The following CAPS2 variants were observed in gnomAD, a reference collection of about 807,000 sequenced individuals.
CAPS2 encodes the protein calcyphosin-2.
A neutral mutation model predicts 86.5 loss-of-function variants in CAPS2; 98 were observed. The observed-to-expected ratio is 1.13, with a 90% confidence interval of 0.96 to 1.34. CAPS2 has a LOEUF of 1.34. CAPS2 is among the 40% of genes most tolerant of loss of function. The probability of loss-of-function intolerance (pLI) is 0.00; values close to 1 mark genes in which losing one functional copy is unlikely to be tolerated. For missense variants in CAPS2, 729 were observed against 686.8 expected, an observed-to-expected ratio of 1.06 and a Z score of -0.69; for synonymous variants, 210 against 225.1, an observed-to-expected ratio of 0.93 and a Z score of 0.60.
intron 8 of CAPS2, among the ~76,000 whole-genome samples, chr12:75,301,299 G>C (rs1464177649): frequency 1.3e-5 from 2 of 152,150 alleles, no homozygotes; most frequent in African/African-American, 4.8e-5. Context: ...ATAAAATCTA[G>C]GTATCTACAA....
At chr12:75,299,717 T>G in intron 9 of CAPS2, 120 bp downstream of exon 9, 1 of 461,428 alleles carries the variant, frequency 2.2e-6, no homozygotes, top group South Asian at 4.7e-5. Flanking sequence ...TTGTTCTAAA[T>G]TCACGTATTT....
At chr12:75,293,521 G>A (rs1288905730) in intron 11 of CAPS2, among the ~76,000 whole-genome samples, 154 bp from the exon 12 acceptor site, 1 of 152,136 alleles carries the variant, frequency 6.6e-6, no homozygotes, top group Non-Finnish European at 1.5e-5. Context: ...TGTATTTGGA[G>A]AAACTATATA....
chr12:75,369,092 A>G (rs1170972300), intron 1 of CAPS2, among the ~76,000 whole-genome samples: 5 of 151,980 alleles, frequency 3.3e-5, no homozygotes, highest in East Asian at 1.9e-4. Context: ...GCAATATAGC[A>G]TAACAGTTAT....
intron 1 of CAPS2, among the ~76,000 whole-genome samples, chr12:75,343,522 C>T (rs2042253738): frequency 6.6e-6 from 1 of 151,930 alleles, no homozygotes; most frequent in Non-Finnish European, 1.5e-5. Flanking sequence ...ATAAGTATTT[C>T]TGAAGTAGAA....
intron 1 of CAPS2, among the ~76,000 whole-genome samples, chr12:75,361,190 T>C (rs371702945): frequency 3.4e-4 from 51 of 152,088 alleles, no homozygotes; most frequent in African/African-American, 1.1e-3. Flanking sequence ...GATTGGTCTG[T>C]TGGTATGCCA....
intron 1 of CAPS2, among the ~76,000 whole-genome samples, chr12:75,372,868 T>A (rs2044449453): frequency 6.6e-6 from 1 of 152,168 alleles, no homozygotes; most frequent in South Asian, 2.1e-4. Flanking sequence ...TTAGAGGCAA[T>A]GTTGTGTAAA....
At chr12:75,307,600 G>C (rs189365986) in intron 7 of CAPS2, among the ~76,000 whole-genome samples, 1 of 152,168 alleles carries the variant, frequency 6.6e-6, no homozygotes, top group Admixed American at 6.5e-5. Context: ...TTAAGGTTAT[G>C]GATATTCCAA....
chr12:75,307,255 A>T (rs949592915), intron 7 of CAPS2, among the ~76,000 whole-genome samples: 1 of 152,238 alleles, frequency 6.6e-6, no homozygotes, highest in Non-Finnish European at 1.5e-5. Context: ...TAACATATAC[A>T]TATTGTTTAG....
At chr12:75,326,633 A>G (rs1049567281), upstream of CAPS2, 10 of 637,458 alleles carry the variant, frequency 1.6e-5, no homozygotes, top group Admixed American at 7.5e-5. Flanking sequence ...CATAAGGTTA[A>G]TCACTTCTAG....
intron 1 of CAPS2, chr12:75,369,840 G>C (rs1429774980): frequency 7.0e-5 from 93 of 1,329,128 alleles, no homozygotes; most frequent in Non-Finnish European, 8.3e-5. Flanking sequence ...TCATTTTCTT[G>C]TTAAAAAGTC....
chr12:75,289,759 T>A, exon 14 of CAPS2: 2 of 1,611,768 alleles, frequency 1.2e-6, no homozygotes, highest in Non-Finnish European at 1.7e-6. Flanking sequence ...TTTTATGTAG[T>A]TTTTCTTTTA....
intron 5 of CAPS2, among the ~76,000 whole-genome samples, chr12:75,319,225 G>C (rs1261827423): frequency 6.6e-6 from 1 of 152,104 alleles, no homozygotes; most frequent in African/African-American, 2.4e-5. Flanking sequence ...GCCATGGTTT[G>C]GATGTTTGTC....
chr12:75,284,480 T>C (rs1329129744), intron 15 of CAPS2, among the ~76,000 whole-genome samples: 1 of 152,176 alleles, frequency 6.6e-6, no homozygotes, highest in Non-Finnish European at 1.5e-5. Context: ...AGTTAATATT[T>C]ATCATGCATA....
intron 1 of CAPS2, chr12:75,347,592 A>G (rs758331270): frequency 7.0e-7 from 1 of 1,434,780 alleles, no homozygotes; most frequent in South Asian, 1.2e-5. Context: ...TGTTTTCCAT[A>G]TTTTATCTTG....
At chr12:75,367,607 T>C (rs1226362101) in intron 1 of CAPS2, among the ~76,000 whole-genome samples, 2 of 152,140 alleles carry the variant, frequency 1.3e-5, no homozygotes, top group East Asian at 3.8e-4. Flanking sequence ...TTTTATTTGA[T>C]AATTGATTTT....
intron 7 of CAPS2, chr12:75,306,008 A>G: frequency 6.9e-7 from 1 of 1,459,220 alleles, no homozygotes; most frequent in Admixed American, 1.9e-5. Flanking sequence ...CCTGCTCATG[A>G]TCCTGAGCCT....
At chr12:75,379,964 T>C (rs2044870271) in intron 1 of CAPS2, among the ~76,000 whole-genome samples, 1 of 151,704 alleles carries the variant, frequency 6.6e-6, no homozygotes, top group Admixed American at 6.6e-5. Flanking sequence ...GGACATTCTC[T>C]AACAAATGTG....
chr12:75,368,758 G>C (rs988628273), intron 1 of CAPS2, among the ~76,000 whole-genome samples: 2 of 151,858 alleles, frequency 1.3e-5, no homozygotes, highest in Non-Finnish European at 2.9e-5. Flanking sequence ...GTTACAGTGT[G>C]TATAAGATTC....
At chr12:75,304,640 C>T (rs2038223069) in intron 8 of CAPS2, 117 bp downstream of exon 8, 9 of 756,754 alleles carry the variant, frequency 1.2e-5, no homozygotes, top group Non-Finnish European at 1.5e-5. Context: ...TTCCACTTTT[C>T]TTTATATAGA....
Sources: allele counts gnomAD v4.1 joint callset (sites outside exome capture counted in the v4.1 genomes callset), GRCh38; gene constraint gnomAD v4.1.1; transcripts MANE v1.5; gene names NCBI Gene and HGNC (gene_info 2026-07-23, HGNC 2026-07-21).